GABRG3: variants seen among roughly 807,000 people sequenced by gnomAD.
GABRG3 encodes the protein gamma-aminobutyric acid receptor subunit gamma-3.
Under a neutral mutation model 48.8 loss-of-function variants are expected in GABRG3, and 25 were observed. The ratio of observed to expected loss-of-function variants is 0.51; its 90% CI spans 0.37 to 0.72. The LOEUF is 0.72. Ranked by LOEUF, GABRG3 falls within the 30% of genes least tolerant of loss-of-function variation. The probability of loss-of-function intolerance (pLI) is 0.00; values close to 1 mark genes in which losing one functional copy is unlikely to be tolerated. For missense variants in GABRG3, 394 were observed against 577.9 expected (o/e 0.68, Z 3.26); for synonymous variants, 227 against 217.6 (o/e 1.04, Z -0.38).
At chr15:27,435,215 A>G (rs1888574820) in intron 5 of GABRG3, among the ~76,000 whole-genome samples, 1 of 149,208 alleles carries the variant, frequency 6.7e-6, no homozygotes, top group African/African-American at 2.4e-5. Flanking sequence ...ATAATTATAT[A>G]AATTATATTA....
At chr15:27,485,968 A>G (rs1189456608) in intron 6 of GABRG3, among the ~76,000 whole-genome samples, 1 of 152,218 alleles carries the variant, frequency 6.6e-6, no homozygotes, top group African/African-American at 2.4e-5. Flanking sequence ...TCTTTGCCAT[A>G]TCAAGGCTGC....
chr15:27,020,639 G>C (rs896634448), intron 2 of GABRG3, among the ~76,000 whole-genome samples: 31 of 151,708 alleles, frequency 2.0e-4, no homozygotes, highest in Middle Eastern at 6.8e-3. Flanking sequence ...GGATGGTCTC[G>C]ATCTCCCGAC....
At chr15:27,251,159 C>T (rs1365735824) in intron 3 of GABRG3, among the ~76,000 whole-genome samples, 2 of 152,162 alleles carry the variant, frequency 1.3e-5, no homozygotes, top group African/African-American at 2.4e-5. Flanking sequence ...TGGCTGTTTT[C>T]GAAAGTTCCC....
chr15:27,317,878 A>G (rs1055910668), intron 3 of GABRG3, among the ~76,000 whole-genome samples: 6 of 141,054 alleles, frequency 4.3e-5, no homozygotes, highest in African/African-American at 1.2e-4. Context: ...TCCTTAGCTC[A>G]TGCAGTTTAA....
At chr15:27,088,367 G>A (rs139395914) in intron 3 of GABRG3, among the ~76,000 whole-genome samples, 171 of 152,154 alleles carry the variant, frequency 1.1e-3, no homozygotes, top group Middle Eastern at 6.8e-3. Flanking sequence ...AGAAGGAAAG[G>A]GTGCGCTATT....
chr15:27,197,113 A>G (rs1261911687), intron 3 of GABRG3, among the ~76,000 whole-genome samples: 1 of 152,156 alleles, frequency 6.6e-6, no homozygotes, highest in African/African-American at 2.4e-5. Flanking sequence ...GCCCTGATTT[A>G]TGCTGATTTG....
intron 5 of GABRG3, among the ~76,000 whole-genome samples, chr15:27,471,366 T>C (rs751595480): frequency 6.6e-6 from 1 of 152,180 alleles, no homozygotes; most frequent in Non-Finnish European, 1.5e-5. Flanking sequence ...ACGGGAGTAA[T>C]TGAAGTTACA....
chr15:27,463,760 C>T (rs1889520053), intron 5 of GABRG3, among the ~76,000 whole-genome samples: 1 of 152,136 alleles, frequency 6.6e-6, no homozygotes, highest in African/African-American at 2.4e-5. Context: ...TTGGGGGTGC[C>T]ATGAAAAGCT....
intron 5 of GABRG3, among the ~76,000 whole-genome samples, chr15:27,342,279 G>A (rs766848283): frequency 2.6e-5 from 4 of 152,190 alleles, no homozygotes; most frequent in Admixed American, 6.5e-5. Flanking sequence ...TGCAAAAACC[G>A]AGTCTTAGGG....
At chr15:27,232,253 C>G (rs982655942) in intron 3 of GABRG3, among the ~76,000 whole-genome samples, 5 of 151,988 alleles carry the variant, frequency 3.3e-5, no homozygotes, top group African/African-American at 7.3e-5. Context: ...GTTTAACCAC[C>G]TGGAATATGA....
chr15:27,524,244 GA>G (rs1263786785), intron 7 of GABRG3, among the ~76,000 whole-genome samples: 8 of 152,030 alleles, frequency 5.3e-5, no homozygotes, highest in African/African-American at 1.9e-4. Context: ...ATGCTGAATG[GA>G]AATAATAGTC....
intron 5 of GABRG3, among the ~76,000 whole-genome samples, chr15:27,466,121 G>T (rs8038811): frequency 1.3e-5 from 2 of 152,026 alleles, no homozygotes; most frequent in African/African-American, 4.8e-5. Context: ...ATGCCAGACC[G>T]CACTGAGTTG....
intron 5 of GABRG3, among the ~76,000 whole-genome samples, chr15:27,337,033 A>T (rs1290767836): frequency 1.3e-5 from 2 of 152,220 alleles, no homozygotes. Context: ...AAATAAGTAG[A>T]AAAGCATCTT....
intron 3 of GABRG3, among the ~76,000 whole-genome samples, chr15:27,047,824 T>G (rs1357677120): frequency 6.6e-6 from 1 of 152,228 alleles, no homozygotes; most frequent in Admixed American, 6.5e-5. Context: ...ATGGATTACC[T>G]TAGTCTAGGA....
intron 3 of GABRG3, among the ~76,000 whole-genome samples, chr15:27,184,223 A>G (rs961997761): frequency 1.3e-5 from 2 of 152,218 alleles, no homozygotes; most frequent in South Asian, 2.1e-4. Flanking sequence ...TAGATCAAGG[A>G]TAGGAAGGTT....
intron 3 of GABRG3, among the ~76,000 whole-genome samples, chr15:27,283,105 C>T (rs924681606): frequency 1.3e-5 from 2 of 152,170 alleles, no homozygotes; most frequent in Non-Finnish European, 2.9e-5. Flanking sequence ...CGCATTCACC[C>T]CCAACCCACG....
At chr15:27,519,345 G>C (rs936430809) in intron 6 of GABRG3, among the ~76,000 whole-genome samples, 5 of 152,114 alleles carry the variant, frequency 3.3e-5, no homozygotes, top group African/African-American at 1.2e-4. Flanking sequence ...ACTTCTTTAT[G>C]GTGTGGTTCT....
intron 3 of GABRG3, among the ~76,000 whole-genome samples, chr15:27,056,391 T>G (rs1378362880): frequency 7.4e-6 from 1 of 134,746 alleles, no homozygotes; most frequent in Non-Finnish European, 1.6e-5. Flanking sequence ...AAAAAGAAAA[T>G]AAACATACAT....
At chr15:27,132,471 G>GTTTTTTTTTTTTTTTTTTTTTTTTTTT (rs59023766) in intron 3 of GABRG3, among the ~76,000 whole-genome samples, 1 of 39,594 alleles carries the variant, frequency 2.5e-5, no homozygotes, top group African/African-American at 8.8e-5. Flanking sequence ...AGTAGTTACA[G>GTTTTTTTTTTTTTTTTTTTTTTTTTTT]TTTTTTTTTT....
Sources: allele counts gnomAD v4.1 joint callset (sites outside exome capture counted in the v4.1 genomes callset), GRCh38; gene constraint gnomAD v4.1.1; transcripts MANE v1.5; gene names NCBI Gene and HGNC (gene_info 2026-07-23, HGNC 2026-07-21).